The following PPP4R4 variants were observed in gnomAD, a reference collection of about 807,000 sequenced individuals.
PPP4R4 encodes the protein protein phosphatase 4 regulatory subunit 4.
A neutral mutation model predicts 121.8 loss-of-function variants in PPP4R4; 70 were observed. The observed-to-expected ratio is 0.57, with a 90% CI of 0.47 to 0.70. The LOEUF (loss-of-function observed/expected upper bound fraction) is 0.70. Ranked by LOEUF, PPP4R4 falls within the 30% of genes least tolerant of loss-of-function variation. The pLI is 0.00. For synonymous variants in PPP4R4, 348 were observed against 355.7 expected (o/e 0.98, Z 0.24); for missense variants, 875 against 1,033.6 (o/e 0.85, Z 2.10).
At chr14:94,202,959 G>A (rs950680854) in intron 2 of PPP4R4, among the ~76,000 whole-genome samples, 2 of 149,780 alleles carry the variant, frequency 1.3e-5, no homozygotes, top group Non-Finnish European at 3.0e-5. Context: ...CTCCAGCCTG[G>A]TGACAGAGCC....
intron 22 of PPP4R4, 130 bp from the exon 23 acceptor site, chr14:94,266,829 A>C (rs1490692598): frequency 1.6e-6 from 1 of 633,294 alleles, no homozygotes; most frequent in Non-Finnish European, 2.7e-6. Flanking sequence ...AAAATGAGAA[A>C]TAAAAGCAAC....
chr14:94,227,300 A>G (rs1294103783), intron 3 of PPP4R4: 2 of 1,611,714 alleles, frequency 1.2e-6, no homozygotes, highest in Non-Finnish European at 1.7e-6. Flanking sequence ...ATGAGGATGC[A>G]CACTTATTTA....
chr14:94,232,787 G>T (rs571871490), intron 5 of PPP4R4, among the ~76,000 whole-genome samples: 1 of 152,066 alleles, frequency 6.6e-6, no homozygotes, highest in Non-Finnish European at 1.5e-5. Context: ...GGCTGGGCGC[G>T]GTGGCTCACA....
intron 2 of PPP4R4, among the ~76,000 whole-genome samples, chr14:94,185,048 G>A (rs1169265286): frequency 6.6e-6 from 1 of 152,188 alleles, no homozygotes; most frequent in African/African-American, 2.4e-5. Flanking sequence ...TAGAATAGAG[G>A]TTATCCCCAA....
At position 94,264,863 on chromosome 14, in the gene PPP4R4, C is replaced by G; in HGVS notation, c.2128-15C>G. ...TCAGTTGTACCTTTAATGCAAGATA[C>G]TGTCTTAATAACAGGAACAATTAGA... On this transcript the variant is annotated splice_polypyrimidine_tract_variant and intron_variant, in intron 19 of 24. Transcript: ENST00000304338. 1 of 1,574,940 alleles carries G rather than the reference C, an allele frequency of 6.3e-7. No individual in the cohort carries two copies. Among genetic ancestry groups the G allele is most frequent in the South Asian group, 1.2e-5 (1 of 86,570 alleles).
intron 2 of PPP4R4, among the ~76,000 whole-genome samples, chr14:94,196,160 C>CTTT (rs5810662): frequency 7.3e-6 from 1 of 136,894 alleles, no homozygotes; most frequent in Non-Finnish European, 1.6e-5. Flanking sequence ...GCTTTTGAAT[C>CTTT]TTTTTTTTTT....
intron 2 of PPP4R4, among the ~76,000 whole-genome samples, chr14:94,194,562 T>A (rs1889768058): frequency 6.6e-6 from 1 of 152,242 alleles, no homozygotes; most frequent in Admixed American, 6.5e-5. Flanking sequence ...TATGCCATTT[T>A]TTTGGGTTTC....
chr14:94,186,968 T>C (rs1889317628), intron 2 of PPP4R4, among the ~76,000 whole-genome samples: 1 of 152,210 alleles, frequency 6.6e-6, no homozygotes, highest in African/African-American at 2.4e-5. Flanking sequence ...TTAGGATTAT[T>C]ATGTTTTCTT....
At chr14:94,201,129 G>C (rs1890156632) in intron 2 of PPP4R4, among the ~76,000 whole-genome samples, 1 of 152,086 alleles carries the variant, frequency 6.6e-6, no homozygotes, top group African/African-American at 2.4e-5. Context: ...GTATTTGCAT[G>C]GTTTTGAGGG....
chr14:94,205,154 A>G (rs1442188220), intron 2 of PPP4R4, among the ~76,000 whole-genome samples: 1 of 152,122 alleles, frequency 6.6e-6, no homozygotes, highest in Non-Finnish European at 1.5e-5. Flanking sequence ...AAATGGTAGT[A>G]TTCTCCATTG....
intron 2 of PPP4R4, among the ~76,000 whole-genome samples, chr14:94,186,315 A>G (rs895183436): frequency 5.3e-5 from 8 of 152,308 alleles, no homozygotes; most frequent in Admixed American, 5.2e-4. Context: ...CCGTTACTAT[A>G]AATTAGTTTC....
At chr14:94,194,611 G>GT (rs1039769815) in intron 2 of PPP4R4, among the ~76,000 whole-genome samples, 19 of 151,956 alleles carry the variant, frequency 1.3e-4, no homozygotes, top group Admixed American at 2.6e-4. Context: ...ACACATACTT[G>GT]TTTTTTTTGT....
intron 17 of PPP4R4, 95 bp downstream of exon 17, chr14:94,256,699 TA>T: frequency 8.3e-6 from 10 of 1,198,806 alleles, no homozygotes; most frequent in Non-Finnish European, 1.0e-5. Context: ...AGCAATATAT[TA>T]CAATATTTTT....
At chr14:94,186,953 T>A (rs7493321) in intron 2 of PPP4R4, among the ~76,000 whole-genome samples, 116,213 of 152,076 alleles carry the variant, frequency 0.76, 45,256 homozygotes, top group Admixed American at 0.84. Context: ...GAAATGCACA[T>A]AAAATTAGGA....
chr14:94,235,462 C>T (rs1000887175), intron 7 of PPP4R4, among the ~76,000 whole-genome samples: 10 of 138,004 alleles, frequency 7.2e-5, no homozygotes, highest in South Asian at 2.3e-4. Context: ...TGCAGTGGCG[C>T]GATCTCGGCT....
chr14:94,243,516 A>C (rs1892737529), intron 11 of PPP4R4, among the ~76,000 whole-genome samples: 1 of 152,138 alleles, frequency 6.6e-6, no homozygotes, highest in Admixed American at 6.6e-5. Flanking sequence ...TATTTATGCA[A>C]TTTTAGACTT....
chr14:94,231,490 T>C (rs1460003979), intron 5 of PPP4R4, among the ~76,000 whole-genome samples, 175 bp downstream of exon 5: 1 of 152,202 alleles, frequency 6.6e-6, no homozygotes, highest in African/African-American at 2.4e-5. Flanking sequence ...GAAAAAAGAA[T>C]TCATAGCTCT....
intron 16 of PPP4R4, among the ~76,000 whole-genome samples, chr14:94,253,031 G>A (rs574784360): frequency 1.3e-5 from 2 of 152,208 alleles, no homozygotes; most frequent in Non-Finnish European, 2.9e-5. Context: ...AACAAATCTA[G>A]AAGTTTTTCT....
In PPP4R4 at chr14:94,218,903, C is replaced by T. The variant is rs375678600; in HGVS notation, c.294+10337C>T. ...ACAAAAGAATATCATATTAAAAGTACTGAAAGTAAAAAGCAAAAATTAAAA... is the reference window on the plus strand; with the variant it reads ...ACAAAAGAATATCATATTAAAAGTATTGAAAGTAAAAAGCAAAAATTAAAA... On this transcript the variant is annotated intron_variant, in intron 3 of 24. Transcript: ENST00000304338. 2.6e-5 allele frequency among the ~76,000 whole-genome samples: 4 copies of T among 152,108 alleles called. 1 individual carries two copies. Among genetic ancestry groups the T allele is most frequent in the African/African-American group, 9.6e-5 (4 of 41,522 alleles).
Sources: allele counts gnomAD v4.1 joint callset (sites outside exome capture counted in the v4.1 genomes callset), GRCh38; gene constraint gnomAD v4.1.1; transcripts MANE v1.5; gene names NCBI Gene and HGNC (gene_info 2026-07-23, HGNC 2026-07-21).